The following LAMA2 variants were observed in gnomAD, a reference collection of about 807,000 sequenced individuals.
LAMA2 encodes the protein laminin subunit alpha 2.
LAMA2 carries 269 observed loss-of-function variants against 364.8 expected under a neutral mutation model. The observed-to-expected ratio is 0.74, with a 90% CI of 0.67 to 0.82. The LOEUF (loss-of-function observed/expected upper bound fraction) is 0.82. Ranked by LOEUF, LAMA2 falls within the 40% of genes least tolerant of loss-of-function variation. The pLI is 0.00. For missense variants in LAMA2, 3,807 were observed against 3,873.2 expected (o/e 0.98, Z 0.45); for synonymous variants, 1,379 against 1,370.6 (o/e 1.01, Z -0.14).
At chr6:128,892,282 A>T (rs958381944) in intron 1 of LAMA2, among the ~76,000 whole-genome samples, 1 of 151,998 alleles carries the variant, frequency 6.6e-6, no homozygotes, top group African/African-American at 2.4e-5. Context: ...ATAAGAAGAA[A>T]CACAAGTTCC....
chr6:129,289,184 T>G (rs867607670), intron 19 of LAMA2, among the ~76,000 whole-genome samples: 1 of 152,354 alleles, frequency 6.6e-6, no homozygotes, highest in Middle Eastern at 3.4e-3. Context: ...AATTGATCTT[T>G]TTTTAAAGCA....
rs559361782 is a variant in LAMA2, at chr6:129,037,756, G to A, written c.113-12162G>A. 1.2e-4 allele frequency among the ~76,000 whole-genome samples: 18 copies of A among 149,652 alleles called. No homozygotes were observed. The South Asian group carries it at 2.7e-3, about 23-fold the overall frequency. On this transcript the variant is annotated intron_variant, in intron 1 of 64. Coordinates refer to ENST00000421865, the MANE Select transcript of LAMA2 (RefSeq NM_000426.4). ...GCGATCTCTGCTCACTGCAAGCTCC[G>A]CCTCCCAGGTTCACGCCATTCTCCC...
In LAMA2 at chr6:129,045,372, T is replaced by C. The variant is rs1787403045; in HGVS notation, c.113-4546T>C. 2.0e-5 allele frequency among the ~76,000 whole-genome samples: 3 copies of C among 152,296 alleles called. No individual in the cohort carries two copies. In the South Asian group the frequency reaches 6.2e-4, roughly 32 times the overall value. On this transcript the variant is annotated intron_variant, in intron 1 of 64. Coordinates refer to ENST00000421865, the MANE Select transcript of LAMA2 (RefSeq NM_000426.4). ...TTATTTGTTTTATTAAAGATTTAAATAAGCTTTACCAAGGACCAGATTTTG... is the reference window on the plus strand; with the variant it reads ...TTATTTGTTTTATTAAAGATTTAAACAAGCTTTACCAAGGACCAGATTTTG...
At chr6:129,293,186 C>G (rs1187340452) in intron 20 of LAMA2, 2 of 588,128 alleles carry the variant, frequency 3.4e-6, no homozygotes, top group African/African-American at 4.0e-5. Context: ...ATTGCAAATG[C>G]AAAGATTAGA....
At chr6:129,331,641 T>C (rs918765295) in intron 29 of LAMA2, among the ~76,000 whole-genome samples, 8 of 151,882 alleles carry the variant, frequency 5.3e-5, no homozygotes, top group Non-Finnish European at 8.8e-5. Flanking sequence ...CTCTCCTCCT[T>C]CTTATATTGT....
At chr6:129,219,826 G>T (rs1263215715) in intron 12 of LAMA2, among the ~76,000 whole-genome samples, 1 of 142,946 alleles carries the variant, frequency 7.0e-6, no homozygotes, top group Non-Finnish European at 1.5e-5. Flanking sequence ...GGGGACTGTT[G>T]TGGGGTGGGG....
intron 9 of LAMA2, among the ~76,000 whole-genome samples, chr6:129,167,144 T>C (rs1562292847): frequency 1.3e-5 from 2 of 152,092 alleles, no homozygotes; most frequent in East Asian, 3.8e-4. Flanking sequence ...ATATTGAGCC[T>C]TTTTTCCGAT....
chr6:129,331,538 G>A (rs1369260913), intron 29 of LAMA2, among the ~76,000 whole-genome samples: 1 of 151,912 alleles, frequency 6.6e-6, no homozygotes, highest in Non-Finnish European at 1.5e-5. Context: ...TATTACTTTG[G>A]ATGAATTATT....
At chr6:129,429,700 G>A (rs1781494494) in intron 41 of LAMA2, among the ~76,000 whole-genome samples, 1 of 152,128 alleles carries the variant, frequency 6.6e-6, no homozygotes, top group Admixed American at 6.5e-5. Flanking sequence ...GTGACTTTGC[G>A]GTCACTCCTT....
chr6:129,300,791 T>C lies in LAMA2; in HGVS notation c.3093T>C (p.Ile1031=), dbSNP rs1340080388. 6.2e-7 allele frequency: 1 copy of C among 1,613,726 alleles called. No individual in the cohort carries two copies. Among genetic ancestry groups the C allele is most frequent in the East Asian group, 2.2e-5 (1 of 44,868 alleles). The change falls in exon 22 of 65, where the codon ATT becomes ATC. Residue 1031 remains isoleucine, a synonymous_variant. Transcript: ENST00000421865. ...GTGACCCAAAGACTGGGCGATGCATTTGCCCTCCCAATACCATTGGAGAGA... is the reference window on the plus strand; with the variant it reads ...GTGACCCAAAGACTGGGCGATGCATCTGCCCTCCCAATACCATTGGAGAGA... ...NNCDPKTGRC[I]CPPNTIGEKC...
At chr6:129,265,277 CTG>C (rs1353479178) in intron 15 of LAMA2, among the ~76,000 whole-genome samples, 1 of 152,084 alleles carries the variant, frequency 6.6e-6, no homozygotes, top group Non-Finnish European at 1.5e-5. Context: ...TAATTTTTTT[CTG>C]TGAGTAATAA....
chr6:129,051,655 CATATCTATA>C (rs1562192098), intron 2 of LAMA2, among the ~76,000 whole-genome samples: 30,857 of 143,156 alleles, frequency 0.22, 4,463 homozygotes, highest in African/African-American at 0.42. Context: ...ATATATTTTA[CATATCTATA>C]GATCGATCTA....
rs547022417 is a variant in LAMA2, at chr6:128,959,800, A to T, written c.112+76443A>T. ...ATATAGTTTACTTATGTATTAGGTA[A>T]ACTTTTTATTGCCTCTCTCTGTACT... On this transcript the variant is annotated intron_variant, in intron 1 of 64. Transcript: ENST00000421865. Among the ~76,000 whole-genome samples the T allele has an allele frequency of 6.6e-5, 10 of 152,148 alleles. No homozygotes were observed. The South Asian group carries it at 2.1e-3, about 32-fold the overall frequency.
chr6:129,065,273 G>A (rs1045433043), intron 3 of LAMA2, among the ~76,000 whole-genome samples: 1 of 152,110 alleles, frequency 6.6e-6, no homozygotes, highest in African/African-American at 2.4e-5. Context: ...AATAAAGACT[G>A]TATATGACAC....
chr6:129,174,866 C>T (rs553365826), intron 9 of LAMA2, among the ~76,000 whole-genome samples: 20 of 152,192 alleles, frequency 1.3e-4, no homozygotes, highest in Admixed American at 1.2e-3. Context: ...TATTTTTCTA[C>T]GTTTAATTTT....
At chr6:128,926,738 T>A (rs1403932660) in intron 1 of LAMA2, among the ~76,000 whole-genome samples, 1 of 152,214 alleles carries the variant, frequency 6.6e-6, no homozygotes, top group African/African-American at 2.4e-5. Context: ...ACCTTTCTCC[T>A]CAGCCCTTTT....
At chr6:128,946,763 C>G (rs1780508837) in intron 1 of LAMA2, among the ~76,000 whole-genome samples, 1 of 152,080 alleles carries the variant, frequency 6.6e-6, no homozygotes, top group Admixed American at 6.6e-5. Flanking sequence ...TATCTATAAA[C>G]CAGCGCCCAG....
chr6:128,993,421 T>C (rs1273998600), intron 1 of LAMA2, among the ~76,000 whole-genome samples: 1 of 152,230 alleles, frequency 6.6e-6, no homozygotes, highest in Non-Finnish European at 1.5e-5. Context: ...AATTTACTTA[T>C]GTATGTTAGA....
At chr6:129,224,333 T>C (rs1327357473) in intron 12 of LAMA2, among the ~76,000 whole-genome samples, 1 of 152,186 alleles carries the variant, frequency 6.6e-6, no homozygotes, top group Non-Finnish European at 1.5e-5. Flanking sequence ...TAAATACCCT[T>C]CATTACTTTC....
Sources: allele counts gnomAD v4.1 joint callset (sites outside exome capture counted in the v4.1 genomes callset), GRCh38; gene constraint gnomAD v4.1.1; transcripts MANE v1.5; gene names NCBI Gene and HGNC (gene_info 2026-07-23, HGNC 2026-07-21).